STK38L: variants seen among roughly 807,000 people sequenced by gnomAD.
STK38L encodes serine/threonine kinase 38 like.
STK38L carries 28 observed loss-of-function variants against 59.7 expected under a neutral mutation model. That is an observed-to-expected ratio of 0.47 (90% CI 0.35 to 0.64). STK38L has a LOEUF of 0.64. Among genes scored for constraint, STK38L ranks in the 30% least tolerant of loss-of-function variants. The pLI is 0.01. For missense variants in STK38L, 314 were observed against 555.8 expected (o/e 0.56, Z 4.37); for synonymous variants, 162 against 176.8 (o/e 0.92, Z 0.66).
At chr12:27,273,865 A>G (rs9669555) in intron 1 of STK38L, among the ~76,000 whole-genome samples, 9,386 of 152,278 alleles carry the variant, frequency 0.062, 324 homozygotes, top group Middle Eastern at 0.14. Flanking sequence ...TGAGGAAACA[A>G]TATTGCTGTT....
At chr12:27,309,701 C>G (rs556762609) in intron 5 of STK38L, among the ~76,000 whole-genome samples, 2 of 152,302 alleles carry the variant, frequency 1.3e-5, no homozygotes, top group African/African-American at 4.8e-5. Flanking sequence ...CAAATACAGC[C>G]TCATTGGAGA....
At chr12:27,314,409 A>T (rs1324987598) in intron 6 of STK38L, 95 bp from the exon 7 acceptor site, 13 of 1,154,940 alleles carry the variant, frequency 1.1e-5, no homozygotes, top group Non-Finnish European at 1.4e-5. Context: ...TCCAAAAAAA[A>T]AAAAAAAAAA....
intron 1 of STK38L, among the ~76,000 whole-genome samples, chr12:27,264,716 G>A (rs1037808811): frequency 4.6e-5 from 7 of 152,204 alleles, no homozygotes; most frequent in Non-Finnish European, 8.8e-5. Flanking sequence ...ATAGGAGGAT[G>A]TGTGTAGGTT....
Position 27,277,382 on chromosome 12 carries a change from C to A in STK38L, c.-11-20328C>A, listed in dbSNP as rs1447511239. Among the ~76,000 whole-genome samples the A allele has an allele frequency of 2.6e-5, 3 of 114,264 alleles. No homozygotes were observed. In the East Asian group the frequency reaches 7.4e-4, roughly 28 times the overall value. The allele number at this position is 114,264 out of a possible 152,430, so 75.0% of individuals were successfully genotyped here. On this transcript the variant is annotated intron_variant, in intron 1 of 13. Transcript: ENST00000389032. ...ACACACACACACAGCAGTAGGAGAA[C>A]TGGAAGGAACCACACACACACACAC...
At chr12:27,287,101 CTTT>C (rs201757206) in intron 1 of STK38L, among the ~76,000 whole-genome samples, 4 of 139,574 alleles carry the variant, frequency 2.9e-5, no homozygotes, top group Non-Finnish European at 1.6e-5. Context: ...TTTAGATACA[CTTT>C]TTTTTTTTTT....
intron 1 of STK38L, among the ~76,000 whole-genome samples, chr12:27,246,412 A>G (rs1387453752): frequency 6.6e-6 from 1 of 152,232 alleles, no homozygotes; most frequent in Non-Finnish European, 1.5e-5. Flanking sequence ...GTATTGTTAA[A>G]ATGCTTTTAT....
Position 27,322,625 on chromosome 12 carries a change from G to T in STK38L, c.*170G>T. On this transcript the variant is annotated 3_prime_UTR_variant, in exon 14 of 14. Transcript: ENST00000389032. ...TCTAAGACTACTATAGGAATTGGTTGGCAGTGCCAGCTGGCTCTTTTTTTT... is the reference window on the plus strand; with the variant it reads ...TCTAAGACTACTATAGGAATTGGTTTGCAGTGCCAGCTGGCTCTTTTTTTT... 7 of 780,726 alleles carry T rather than the reference G, an allele frequency of 9.0e-6. No homozygotes were observed. The highest frequency in any genetic ancestry group is 1.3e-5 in the Non-Finnish European group (7 of 547,900). 48.4% of individuals were successfully genotyped at this position (780,726 alleles called of 1,614,324 possible).
chr12:27,317,074 A>G (rs1944603906), intron 9 of STK38L, among the ~76,000 whole-genome samples: 2 of 152,204 alleles, frequency 1.3e-5, no homozygotes. Context: ...TGGACACTCT[A>G]TAAATATTTG....
At chr12:27,266,126 T>G (rs1943296573) in intron 1 of STK38L, among the ~76,000 whole-genome samples, 1 of 152,196 alleles carries the variant, frequency 6.6e-6, no homozygotes, top group Non-Finnish European at 1.5e-5. Context: ...GTGTCAGACT[T>G]TTTTCTTAAG....
At chr12:27,266,134 A>C (rs919716183) in intron 1 of STK38L, among the ~76,000 whole-genome samples, 1 of 152,246 alleles carries the variant, frequency 6.6e-6, no homozygotes, top group Non-Finnish European at 1.5e-5. Context: ...CTTTTTTCTT[A>C]AGAATATATA....
chr12:27,284,388 G>A (rs919057974), intron 1 of STK38L, among the ~76,000 whole-genome samples: 3 of 152,128 alleles, frequency 2.0e-5, no homozygotes, highest in Admixed American at 6.6e-5. Flanking sequence ...TGAGGGAGAT[G>A]GACTAGATAA....
At chr12:27,273,984 G>A (rs914454415) in intron 1 of STK38L, among the ~76,000 whole-genome samples, 3 of 152,168 alleles carry the variant, frequency 2.0e-5, no homozygotes, top group African/African-American at 7.2e-5. Context: ...GCCGGGTGCG[G>A]TGGTTCACGC....
chr12:27,269,015 A>G lies in STK38L; in HGVS notation c.-12+24683A>G, dbSNP rs571591710. 1.4e-4 allele frequency among the ~76,000 whole-genome samples: 21 copies of G among 152,260 alleles called. No homozygotes were observed. In the South Asian group the frequency reaches 2.9e-3, roughly 21 times the overall value. ...TTTGGGTTCATTGTAGATTCTGGAT[A>G]TTAGCCTTTTGTCAGATAAGTAGAT... On this transcript the variant is annotated intron_variant, in intron 1 of 13. Coordinates refer to ENST00000389032, the MANE Select transcript of STK38L (RefSeq NM_015000.4).
At chr12:27,267,806 A>G (rs2136615157) in intron 1 of STK38L, among the ~76,000 whole-genome samples, 1 of 152,130 alleles carries the variant, frequency 6.6e-6, no homozygotes, top group Non-Finnish European at 1.5e-5. Context: ...TTGGGGTTTT[A>G]ATGTTTATTT....
chr12:27,262,001 A>AGCAGCGGCAGCAGATCTCT (rs1943212502), intron 1 of STK38L, among the ~76,000 whole-genome samples: 1 of 152,252 alleles, frequency 6.6e-6, no homozygotes, highest in African/African-American at 2.4e-5. Flanking sequence ...TTTTATTAGC[A>AGCAGCGGCAGCAGATCTCT]GCAGCGGCAG....
chr12:27,308,388 G>A lies in STK38L; in HGVS notation c.236G>A (p.Arg79Gln), dbSNP rs770482297. The A allele has an allele frequency of 2.5e-6, 4 of 1,597,364 alleles. No individual in the cohort carries two copies. Among genetic ancestry groups the A allele is most frequent in the Admixed American group, 1.7e-5 (1 of 58,518 alleles). Residue 79 changes from arginine (R) to glutamine (Q), a missense_variant, in exon 4 of 14, where the codon CGG becomes CAG. Physicochemically the swap from Arg to Gln is conservative, Grantham distance 43. Transcript: ENST00000389032. The surrounding 1 kb of genome is among the most constrained non-coding windows in gnomAD (Gnocchi z 4.5). The part of the protein sequence containing the change: ...QHARKETEFL[R>Q]LKRTRLGLDD... ...GCTCGCAAAGAAACAGAGTTCTTAC[G>A]GCTCAAAAGGACCAGACTTGGCTTG...
Position 27,304,883 on chromosome 12 carries a change from TTA to T in STK38L, c.186+2699_186+2700del, listed in dbSNP as rs1944269582. On this transcript the variant is annotated intron_variant, in intron 3 of 13. Transcript: ENST00000389032. ...GATATACTTTGTTTACATATTCAAC[TTA>T]TATGATTTTTTTTTTGCTTCCACAA... Among the ~76,000 whole-genome samples, 4 of 150,032 alleles carry T rather than the reference TTA, an allele frequency of 2.7e-5. No individual in the cohort carries two copies. In the South Asian group the frequency reaches 8.5e-4, roughly 32 times the overall value.
intron 1 of STK38L, among the ~76,000 whole-genome samples, chr12:27,294,204 A>G (rs183962819): frequency 6.6e-6 from 1 of 152,316 alleles, no homozygotes; most frequent in African/African-American, 2.4e-5. Context: ...TTGAGGATTC[A>G]GGATGCATGT....
intron 12 of STK38L, 95 bp from the exon 13 acceptor site, chr12:27,322,048 C>T: frequency 8.9e-7 from 1 of 1,119,246 alleles, no homozygotes; most frequent in South Asian, 1.5e-5. Flanking sequence ...TTTCTAGTAT[C>T]TGTAGAATAG....
Sources: allele counts gnomAD v4.1 joint callset (sites outside exome capture counted in the v4.1 genomes callset), GRCh38; gene constraint gnomAD v4.1.1; non-coding constraint Gnocchi (gnomAD v3.1); transcripts MANE v1.5; gene names NCBI Gene and HGNC (gene_info 2026-07-23, HGNC 2026-07-21).